Variants in SLC2A1 observed in about 807,000 individuals in gnomAD.
SLC2A1 encodes the protein solute carrier family 2 member 1.
In SLC2A1, 4 loss-of-function variants were observed where a neutral mutation model predicts 46.6. That is an observed-to-expected ratio of 0.09 (90% CI 0.04 to 0.20). The LOEUF (loss-of-function observed/expected upper bound fraction) is 0.20. SLC2A1 is among the 10% of genes least tolerant of loss of function. The pLI is 1.00. For missense variants in SLC2A1, 352 were observed against 667.0 expected, an observed-to-expected ratio of 0.53 and a Z score of 5.20; for synonymous variants, 253 against 270.0, an observed-to-expected ratio of 0.94 and a Z score of 0.62.
intron 1 of SLC2A1, among the ~76,000 whole-genome samples, chr1:42,946,417 C>T (rs564224214): frequency 2.0e-5 from 3 of 152,178 alleles, no homozygotes; most frequent in African/African-American, 7.2e-5. Context: ...GAAGGAGTTT[C>T]CAGTACAGTG....
At chr1:42,928,096 A>G (rs1223860418) in intron 8 of SLC2A1, among the ~76,000 whole-genome samples, 1 of 152,238 alleles carries the variant, frequency 6.6e-6, no homozygotes, top group Non-Finnish European at 1.5e-5. Flanking sequence ...CTGTGCCTGC[A>G]GCACAGTCCG....
chr1:42,937,246 C>T (rs1046781397), intron 2 of SLC2A1, among the ~76,000 whole-genome samples: 1 of 152,244 alleles, frequency 6.6e-6, no homozygotes, highest in Non-Finnish European at 1.5e-5. Flanking sequence ...CTGATGCATC[C>T]ATGTTGCTGG....
At chr1:42,928,711 G>A (rs1040781792) in intron 8 of SLC2A1, among the ~76,000 whole-genome samples, 1 of 152,132 alleles carries the variant, frequency 6.6e-6, no homozygotes, top group Non-Finnish European at 1.5e-5. Flanking sequence ...GGGACCAGAG[G>A]TGCTGCGCTG....
chr1:42,927,262 CTTGG>C lies in SLC2A1; in HGVS notation c.1279-25_1279-22del. ...AGTTGCTGAAAGACACACAGACACA[CTTGG>C]TTGGAGTCATGACCCTACATCCTGG... On this transcript the variant is annotated intron_variant, in intron 9 of 9. Transcript: ENST00000426263. The surrounding 1 kb of genome is among the most constrained non-coding windows in gnomAD (Gnocchi z 5.3). 6.2e-7 allele frequency: 1 copy of C among 1,612,210 alleles called. No individual in the cohort carries two copies. The highest frequency in any genetic ancestry group is 2.2e-5 in the East Asian group (1 of 44,884).
rs561260400 is a variant in SLC2A1 at position 42,957,175 on chromosome 1, A to T, written c.18+1459T>A. 1.2e-3 allele frequency among the ~76,000 whole-genome samples: 179 copies of T among 152,354 alleles called. 3 individuals carry two copies. The highest frequency in any genetic ancestry group is 4.1e-3 in the African/African-American group (170 of 41,582). On this transcript the variant is annotated intron_variant, in intron 1 of 9. Transcript: ENST00000426263. ...AGTTAAGTGGCCTGCAAGAGCCCTG[A>T]GATATTTGGACTTCCTTGCCACTAG...
At chr1:42,952,179 G>A (rs1643728060) in intron 1 of SLC2A1, 5 of 506,332 alleles carry the variant, frequency 9.9e-6, no homozygotes, top group African/African-American at 1.9e-5. Flanking sequence ...ATAAGCAGGG[G>A]TGATCTTTAT....
At chr1:42,928,394 GCACAGGGTTAGCACAGCGGT>G (rs2124447354) in intron 8 of SLC2A1, among the ~76,000 whole-genome samples, 1 of 152,288 alleles carries the variant, frequency 6.6e-6, no homozygotes, top group African/African-American at 2.4e-5. Context: ...TGAGTGCCAG[GCACAGGGTTAGCACAGCGGT>G]CACAGTCACA....
chr1:42,928,107 C>T lies in SLC2A1; in HGVS notation c.1075-299G>A, dbSNP rs116186751. 7.0e-3 allele frequency among the ~76,000 whole-genome samples: 1,062 copies of T among 152,294 alleles called. 11 individuals carry two copies. Among genetic ancestry groups the T allele is most frequent in the African/African-American group, 0.025 (1,023 of 41,570 alleles). Reference sequence around the variant, plus strand: ...CTGTCTGTGCCTGCAGCACAGTCCGCCTGTGGCAGGATGCAGAACATTCCT... The same window carrying T: ...CTGTCTGTGCCTGCAGCACAGTCCGTCTGTGGCAGGATGCAGAACATTCCT... On this transcript the variant is annotated intron_variant, in intron 8 of 9. Coordinates refer to ENST00000426263, the MANE Select transcript of SLC2A1 (RefSeq NM_006516.4).
At chr1:42,928,549 T>C (rs1402947709) in intron 8 of SLC2A1, among the ~76,000 whole-genome samples, 2 of 152,292 alleles carry the variant, frequency 1.3e-5, no homozygotes, top group Middle Eastern at 6.8e-3. Context: ...TCGTGTGAAC[T>C]GAATGAGGCA....
chr1:42,947,763 C>T (rs1553157209), intron 1 of SLC2A1, among the ~76,000 whole-genome samples: 2 of 152,050 alleles, frequency 1.3e-5, no homozygotes, highest in Non-Finnish European at 2.9e-5. Flanking sequence ...GCCAGAGTGA[C>T]GAGAGTAGGG....
intron 1 of SLC2A1, among the ~76,000 whole-genome samples, chr1:42,956,129 G>A (rs1329034372): frequency 3.0e-5 from 4 of 132,486 alleles, no homozygotes; most frequent in African/African-American, 5.7e-5. Flanking sequence ...GAATGTATAT[G>A]GAATGATCTA....
intron 1 of SLC2A1, chr1:42,952,528 C>T (rs970681759): frequency 2.5e-5 from 10 of 401,494 alleles, no homozygotes; most frequent in Non-Finnish European, 4.1e-5. Flanking sequence ...GCCAGGGCCA[C>T]GAGGCAGTGC....
intron 2 of SLC2A1, among the ~76,000 whole-genome samples, chr1:42,938,817 C>A (rs1330469146): frequency 6.6e-6 from 1 of 152,234 alleles, no homozygotes; most frequent in Non-Finnish European, 1.5e-5. Flanking sequence ...CTGCCAAGTC[C>A]TTCGTGAAGC....
intron 1 of SLC2A1, among the ~76,000 whole-genome samples, chr1:42,955,289 G>A (rs1643760500): frequency 6.6e-6 from 1 of 152,198 alleles, no homozygotes; most frequent in South Asian, 2.1e-4. Context: ...ACTAAGCTAA[G>A]CTGGGATTCA....
chr1:42,952,009 T>C, intron 1 of SLC2A1: 2 of 417,860 alleles, frequency 4.8e-6, no homozygotes, highest in Non-Finnish European at 8.4e-6. Flanking sequence ...TCCTCACTGG[T>C]CAGGGGGCCA....
rs542353299 is a variant in SLC2A1 at position 42,929,490 on chromosome 1, C to T, written c.867+103G>A. 7.1e-6 allele frequency: 9 copies of T among 1,266,346 alleles called. No individual in the cohort carries two copies. Among genetic ancestry groups the T allele is most frequent in the Admixed American group, 3.5e-5 (2 of 56,366 alleles). The allele number at this position is 1,266,346 out of a possible 1,614,324, so 78.4% of individuals were successfully genotyped here. A position where few individuals can be genotyped will look rare whatever the true frequency, so the allele number is the denominator to read the frequency against. ...CTTGGGGTCTAAAGGGAAACTTCTT[C>T]GGCAGAGGCGTATCTGTTGTTTCAA... On this transcript the variant is annotated intron_variant, in intron 6 of 9. Transcript: ENST00000426263. The surrounding 1 kb of genome is among the most constrained non-coding windows in gnomAD (Gnocchi z 6.0).
intron 1 of SLC2A1, among the ~76,000 whole-genome samples, chr1:42,944,694 G>C (rs1447042737): frequency 6.6e-6 from 1 of 152,182 alleles, no homozygotes; most frequent in Non-Finnish European, 1.5e-5. Flanking sequence ...GAGGAAGAAG[G>C]CTTCGGCCCA....
At chr1:42,952,399 T>C (rs1194036831) in intron 1 of SLC2A1, 1 of 482,142 alleles carries the variant, frequency 2.1e-6, no homozygotes. Context: ...CCGTAGAGGC[T>C]GATGCAGTCG....
chr1:42,941,609 G>A (rs72678353), intron 2 of SLC2A1, among the ~76,000 whole-genome samples: 2,704 of 152,262 alleles, frequency 0.018, 31 homozygotes, highest in Middle Eastern at 0.031. Flanking sequence ...CTGCACATTC[G>A]AATTGGTTGG....
Sources: allele counts gnomAD v4.1 joint callset (sites outside exome capture counted in the v4.1 genomes callset), GRCh38; gene constraint gnomAD v4.1.1; non-coding constraint Gnocchi (gnomAD v3.1); transcripts MANE v1.5; gene names NCBI Gene and HGNC (gene_info 2026-07-23, HGNC 2026-07-21).